Variants in SPMAP2L observed in about 807,000 individuals in gnomAD.
The protein encoded by SPMAP2L is sperm microtubule associated protein 2 like, also known as sperm microtubule associated protein 2-like.
At chr4:56,530,890 G>A in the SPMAP2L span, 1 of 1,535,130 alleles carries the variant, frequency 6.5e-7, no homozygotes, top group South Asian at 1.2e-5. Flanking sequence ...CCAGAGAGAC[G>A]AGTCCGAGGA....
At chr4:56,551,589 G>C in the SPMAP2L span, among the ~76,000 whole-genome samples, 2 of 152,124 alleles carry the variant, frequency 1.3e-5, no homozygotes, top group Non-Finnish European at 2.9e-5. Context: ...TCTGACTCCT[G>C]TGCCTATTTT....
At chr4:56,558,404 A>G in the SPMAP2L span, among the ~76,000 whole-genome samples, 1 of 152,076 alleles carries the variant, frequency 6.6e-6, no homozygotes, top group Non-Finnish European at 1.5e-5. Flanking sequence ...TGTGTTTTCT[A>G]GTTCTTGTGG....
the SPMAP2L span, chr4:56,593,633 T>A: frequency 1.2e-6 from 2 of 1,605,292 alleles, no homozygotes; most frequent in Non-Finnish European, 1.7e-6. Flanking sequence ...GCCACTGGGC[T>A]ATGGGGGACC....
At chr4:56,539,043 G>A in the SPMAP2L span, among the ~76,000 whole-genome samples, 14 of 152,112 alleles carry the variant, frequency 9.2e-5, no homozygotes, top group Admixed American at 8.5e-4. Context: ...TTTATTGAGC[G>A]ACTACTAAGT....
chr4:56,549,149 C>T, the SPMAP2L span, among the ~76,000 whole-genome samples: 8 of 151,926 alleles, frequency 5.3e-5, no homozygotes, highest in African/African-American at 1.9e-4. Flanking sequence ...CCACCACACC[C>T]AGCTAATTTT....
At chr4:56,584,751 G>C in the SPMAP2L span, 14 of 639,236 alleles carry the variant, frequency 2.2e-5, no homozygotes, top group Admixed American at 2.6e-5. Context: ...TTTCTTCCAT[G>C]CCTAATGTAT....
the SPMAP2L span, chr4:56,594,900 C>G: frequency 6.2e-7 from 1 of 1,611,302 alleles, no homozygotes; most frequent in East Asian, 2.2e-5. Flanking sequence ...TCTGATGTCT[C>G]GCACCTAAAT....
chr4:56,622,219 G>A, the SPMAP2L span, among the ~76,000 whole-genome samples: 434 of 152,338 alleles, frequency 2.8e-3, 5 homozygotes, highest in African/African-American at 9.9e-3. Context: ...ACTGCTGCAG[G>A]ATAGATTCTT....
chr4:56,539,478 A>G, the SPMAP2L span, among the ~76,000 whole-genome samples: 2 of 152,054 alleles, frequency 1.3e-5, no homozygotes, highest in African/African-American at 4.8e-5. Flanking sequence ...CTGGAGTGCA[A>G]TGGTGCAATC....
the SPMAP2L span, among the ~76,000 whole-genome samples, chr4:56,623,894 G>C: frequency 6.6e-6 from 1 of 152,268 alleles, no homozygotes; most frequent in Middle Eastern, 3.4e-3. Flanking sequence ...ATTGGTACCA[G>C]TAGAGTGGGG....
At chr4:56,594,629 G>A in the SPMAP2L span, 2 of 1,392,310 alleles carry the variant, frequency 1.4e-6, no homozygotes. Context: ...CCCAACAAGT[G>A]CCCACATGGC....
the SPMAP2L span, among the ~76,000 whole-genome samples, chr4:56,553,844 T>C: frequency 7.4e-3 from 1,129 of 152,284 alleles, 3 homozygotes; most frequent in Non-Finnish European, 0.011. Flanking sequence ...CTTTTCCTCT[T>C]TCCTCCCTCT....
the SPMAP2L span, among the ~76,000 whole-genome samples, chr4:56,610,764 C>T: frequency 6.6e-6 from 1 of 151,872 alleles, no homozygotes; most frequent in Non-Finnish European, 1.5e-5. Context: ...AAAAAAAATC[C>T]CATTAAAAGG....
the SPMAP2L span, among the ~76,000 whole-genome samples, chr4:56,566,706 T>C: frequency 7.0e-6 from 1 of 142,266 alleles, no homozygotes; most frequent in Non-Finnish European, 1.5e-5. Flanking sequence ...TTTTTTTTTT[T>C]TTTTTTTTTT....
At chr4:56,603,058 T>G in the SPMAP2L span, 1 of 424,198 alleles carries the variant, frequency 2.4e-6, no homozygotes, top group Non-Finnish European at 4.1e-6. Flanking sequence ...TTCATTTAAC[T>G]GAGTCTTGAT....
the SPMAP2L span, among the ~76,000 whole-genome samples, chr4:56,607,259 C>T: frequency 6.6e-6 from 1 of 152,154 alleles, no homozygotes; most frequent in Non-Finnish European, 1.5e-5. Flanking sequence ...GAGTTCATCC[C>T]TTTTCTCTTT....
At chr4:56,562,020 G>A in the SPMAP2L span, among the ~76,000 whole-genome samples, 8 of 152,074 alleles carry the variant, frequency 5.3e-5, no homozygotes, top group East Asian at 7.7e-4. Context: ...CACCGCGCCT[G>A]GCCTGGGAAT....
the SPMAP2L span, chr4:56,530,853 G>A: frequency 6.5e-7 from 1 of 1,534,830 alleles, no homozygotes; most frequent in African/African-American, 1.4e-5. Context: ...AGAATCCCGA[G>A]GAACCCGAGG....
chr4:56,605,253 G>A, the SPMAP2L span, among the ~76,000 whole-genome samples: 1 of 152,188 alleles, frequency 6.6e-6, no homozygotes, highest in African/African-American at 2.4e-5. Flanking sequence ...TTAAATGAAT[G>A]TCTGTTGAGT....
Sources: allele counts gnomAD v4.1 joint callset (sites outside exome capture counted in the v4.1 genomes callset), GRCh38; gene constraint gnomAD v4.1.1; transcripts MANE v1.5; gene names NCBI Gene and HGNC (gene_info 2026-07-23, HGNC 2026-07-21).